The following RNF115 variants were observed in gnomAD, a reference collection of about 807,000 sequenced individuals.
RNF115 encodes ring finger protein 115.
RNF115 carries 31 observed loss-of-function variants against 39.2 expected under a neutral mutation model. That is an observed-to-expected ratio of 0.79 (90% CI 0.59 to 1.07). The LOEUF (loss-of-function observed/expected upper bound fraction) is 1.07, where lower values mean the gene tolerates loss of function less well. Among genes scored for constraint, RNF115 ranks in the 50% least tolerant of loss-of-function variants. RNF115 has a pLI of 0.00. For synonymous variants in RNF115, 124 were observed against 131.0 expected (o/e 0.95, Z 0.37); for missense variants, 384 against 381.7 (o/e 1.01, Z -0.05).
rs1648728362 is a variant in RNF115 at position 145,792,622 on chromosome 1, CAG to C, written c.103-3658_103-3657del. 2.6e-5 allele frequency among the ~76,000 whole-genome samples: 4 copies of C among 152,206 alleles called. No homozygotes were observed. In the South Asian group the frequency reaches 8.3e-4, roughly 32 times the overall value. Reference sequence around the variant, plus strand: ...TGAACACTAGAAACAGAAACAAATACAGAGTTTGCCTGGGGGAACTAGGGAAA... The same window carrying C: ...TGAACACTAGAAACAGAAACAAATACAGTTTGCCTGGGGGAACTAGGGAAA... On this transcript the variant is annotated intron_variant, in intron 1 of 8. Transcript: ENST00000582693.
At chr1:145,806,392 A>G (rs1425134281) in intron 1 of RNF115, among the ~76,000 whole-genome samples, 1 of 152,190 alleles carries the variant, frequency 6.6e-6, no homozygotes, top group Non-Finnish European at 1.5e-5. Flanking sequence ...TTAAATTTAA[A>G]GAAAGCCAAA....
chr1:145,766,468 A>G (rs1571726338), intron 4 of RNF115, among the ~76,000 whole-genome samples: 1 of 151,626 alleles, frequency 6.6e-6, no homozygotes, highest in African/African-American at 2.4e-5. Context: ...ATTCCACAAA[A>G]CCGCCATTGT....
Position 145,764,885 on chromosome 1 carries a change from G to A in RNF115, c.428+6826C>T, listed in dbSNP as rs1029531832. On this transcript the variant is annotated intron_variant, in intron 4 of 8. Transcript: ENST00000582693. ...GGCCGCCCCTTCTGGGAAGTGATGA[G>A]CCCCTCTGCCCGGCCACCACCCCGT... Among the ~76,000 whole-genome samples, 204 of 152,256 alleles carry A rather than the reference G, an allele frequency of 1.3e-3. 1 individual carries two copies. The highest frequency in any genetic ancestry group is 2.5e-3 in the Non-Finnish European group (169 of 68,010).
chr1:145,761,448 T>C (rs1658500396), intron 4 of RNF115, among the ~76,000 whole-genome samples: 1 of 152,192 alleles, frequency 6.6e-6, no homozygotes, highest in South Asian at 2.1e-4. Context: ...TGTGTCCCAG[T>C]TGCTCCAGCC....
chr1:145,779,233 G>A (rs1238928044), intron 3 of RNF115, among the ~76,000 whole-genome samples: 1 of 150,958 alleles, frequency 6.6e-6, no homozygotes, highest in Non-Finnish European at 1.5e-5. Flanking sequence ...GGGGTGCAGT[G>A]GCACGAGCTC....
intron 6 of RNF115, 115 bp from the exon 7 acceptor site, chr1:145,750,615 A>G (rs1156746416): frequency 1.6e-5 from 12 of 741,360 alleles, no homozygotes; most frequent in Non-Finnish European, 2.7e-5. Flanking sequence ...AGTTACTCTT[A>G]CTTCTGCAAG....
chr1:145,806,652 T>C (rs1454549346), intron 1 of RNF115, among the ~76,000 whole-genome samples: 2 of 152,012 alleles, frequency 1.3e-5, no homozygotes, highest in Non-Finnish European at 2.9e-5. Context: ...TTTAAAAGAG[T>C]GTGGTACCCC....
intron 4 of RNF115, among the ~76,000 whole-genome samples, chr1:145,766,548 T>C (rs1647282555): frequency 6.6e-6 from 1 of 150,496 alleles, no homozygotes; most frequent in East Asian, 2.0e-4. Flanking sequence ...GCAGAGGGGC[T>C]CCTCACTTCC....
At chr1:145,822,252 C>T (rs1421120928) in intron 1 of RNF115, among the ~76,000 whole-genome samples, 2 of 151,656 alleles carry the variant, frequency 1.3e-5, no homozygotes, top group Middle Eastern at 3.4e-3. Context: ...CTCTTGAACC[C>T]GGCAGGTGGA....
At chr1:145,768,568 G>A (rs781804170) in intron 4 of RNF115, among the ~76,000 whole-genome samples, 14 of 152,050 alleles carry the variant, frequency 9.2e-5, no homozygotes, top group South Asian at 2.1e-4. Flanking sequence ...CACCTGCCTC[G>A]GCCTCCCAAA....
chr1:145,788,411 G>A (rs587623728), intron 2 of RNF115, among the ~76,000 whole-genome samples: 2 of 152,254 alleles, frequency 1.3e-5, no homozygotes, highest in South Asian at 4.1e-4. Context: ...AGAGATTCAA[G>A]GCCTCCTCAA....
chr1:145,790,052 T>G (rs1219544300), intron 1 of RNF115, among the ~76,000 whole-genome samples: 2 of 152,186 alleles, frequency 1.3e-5, no homozygotes, highest in Non-Finnish European at 2.9e-5. Flanking sequence ...ATAAAATATT[T>G]GCAGAATTGC....
intron 1 of RNF115, among the ~76,000 whole-genome samples, chr1:145,801,301 G>A (rs1336321318): frequency 6.6e-6 from 1 of 152,206 alleles, no homozygotes; most frequent in Non-Finnish European, 1.5e-5. Context: ...CAGGCACAGT[G>A]GCTCAGCCTA....
At chr1:145,819,369 A>C (rs1650134272) in intron 1 of RNF115, among the ~76,000 whole-genome samples, 1 of 151,226 alleles carries the variant, frequency 6.6e-6, no homozygotes, top group East Asian at 1.9e-4. Context: ...GGATCACCTG[A>C]GTCTGGGAAG....
chr1:145,791,773 CT>C (rs1319335361), intron 1 of RNF115, among the ~76,000 whole-genome samples: 1 of 152,096 alleles, frequency 6.6e-6, no homozygotes, highest in African/African-American at 2.4e-5. Flanking sequence ...TAAGAATACA[CT>C]TTAGAGACTG....
In RNF115 at chr1:145,747,051, G is replaced by A. The variant is rs190815985; in HGVS notation, c.784-54C>T. 1.2e-5 allele frequency: 18 copies of A among 1,546,154 alleles called. No homozygotes were observed. The East Asian group carries it at 1.8e-4, about 16-fold the overall frequency. On this transcript the variant is annotated intron_variant, in intron 8 of 8. Coordinates refer to ENST00000582693, the MANE Select transcript of RNF115 (RefSeq NM_014455.4). ...AAGATCCTGGCCTGAGAAGCTGGGAGTATTGTACACTTAAATAACCCTGAG... is the reference window on the plus strand; with the variant it reads ...AAGATCCTGGCCTGAGAAGCTGGGAATATTGTACACTTAAATAACCCTGAG...
At chr1:145,754,626 C>G (rs977838136) in intron 4 of RNF115, among the ~76,000 whole-genome samples, 1 of 152,148 alleles carries the variant, frequency 6.6e-6, no homozygotes, top group African/African-American at 2.4e-5. Context: ...CATGAGCCAC[C>G]CCACCTGGCT....
intron 4 of RNF115, among the ~76,000 whole-genome samples, chr1:145,758,862 T>G (rs925764991): frequency 2.6e-5 from 4 of 152,198 alleles, no homozygotes; most frequent in African/African-American, 9.7e-5. Flanking sequence ...CAGAGAACAA[T>G]AGTTGACAGA....
chr1:145,824,064 C>T lies in RNF115; in HGVS notation c.-191G>A, dbSNP rs1397337950. The T allele has an allele frequency of 6.2e-6, 3 of 487,744 alleles. No individual in the cohort carries two copies. Among genetic ancestry groups the T allele is most frequent in the Non-Finnish European group, 1.1e-5 (3 of 280,138 alleles). 30.2% of individuals were successfully genotyped at this position (487,744 alleles called of 1,614,324 possible). On this transcript the variant is annotated 5_prime_UTR_variant, in exon 1 of 9. Coordinates refer to ENST00000582693, the MANE Select transcript of RNF115 (RefSeq NM_014455.4). ...CCAACAGCTACCCTGCGGCCCGCCT[C>T]CCAGCACCAAAGAGGCGCAGGAAGG... is the stretch of plus-strand genomic sequence containing the variant.
Sources: allele counts gnomAD v4.1 joint callset (sites outside exome capture counted in the v4.1 genomes callset), GRCh38; gene constraint gnomAD v4.1.1; transcripts MANE v1.5; gene names NCBI Gene and HGNC (gene_info 2026-07-23, HGNC 2026-07-21).